The following ZNF385D variants were observed in gnomAD, a reference collection of about 807,000 sequenced individuals.
ZNF385D encodes zinc finger protein 659.
In ZNF385D, 15 loss-of-function variants were observed where a neutral mutation model predicts 35.8. The observed-to-expected ratio is 0.42, with a 90% CI of 0.28 to 0.64. The LOEUF is 0.64. Among genes scored for constraint, ZNF385D ranks in the 30% least tolerant of loss-of-function variants. The pLI is 0.23. For synonymous variants in ZNF385D, 212 were observed against 186.8 expected, an observed-to-expected ratio of 1.13 and a Z score of -1.10; for missense variants, 474 against 494.6, an observed-to-expected ratio of 0.96 and a Z score of 0.39.
intron 3 of ZNF385D, among the ~76,000 whole-genome samples, chr3:21,552,107 T>G (rs528393705): frequency 1.7e-4 from 26 of 152,316 alleles, no homozygotes; most frequent in Non-Finnish European, 2.9e-4. Flanking sequence ...GTTATTTTTC[T>G]AGAAAGATTC....
intron 3 of ZNF385D, among the ~76,000 whole-genome samples, chr3:21,534,855 G>T (rs1238050943): frequency 6.6e-6 from 1 of 152,072 alleles, no homozygotes; most frequent in Non-Finnish European, 1.5e-5. Flanking sequence ...TTTCTTTTGA[G>T]CAATTGTCCT....
intron 2 of ZNF385D, among the ~76,000 whole-genome samples, chr3:21,566,522 C>A (rs369036652): frequency 6.6e-6 from 1 of 151,920 alleles, no homozygotes; most frequent in Non-Finnish European, 1.5e-5. Context: ...CCCAGGTATT[C>A]GGGAGGCTGA....
intron 3 of ZNF385D, among the ~76,000 whole-genome samples, chr3:21,922,478 A>G (rs543783936): frequency 6.6e-6 from 1 of 152,346 alleles, no homozygotes; most frequent in African/African-American, 2.4e-5. Context: ...ACCCAGAAAT[A>G]GAGTCACACA....
chr3:21,761,565 A>G (rs537613213), intron 3 of ZNF385D, among the ~76,000 whole-genome samples: 2 of 152,292 alleles, frequency 1.3e-5, no homozygotes. Flanking sequence ...TCATCAATCA[A>G]TGCAAGAACC....
In ZNF385D at chr3:21,872,569, G is replaced by C. The variant is rs189966966; in HGVS notation, c.326-207541C>G. Among the ~76,000 whole-genome samples, 5 of 152,206 alleles carry C rather than the reference G, an allele frequency of 3.3e-5. No homozygotes were observed. In the East Asian group the frequency reaches 9.7e-4, roughly 29 times the overall value. On this transcript the variant is annotated intron_variant, in intron 3 of 5. Transcript: ENST00000494108. Reference sequence around the variant, plus strand: ...ATCTAGAAGTCTTTGAATTAGATAAGTTTTATATCACTCTTGTACACTTCA... The same window carrying C: ...ATCTAGAAGTCTTTGAATTAGATAACTTTTATATCACTCTTGTACACTTCA...
At chr3:21,823,436 A>AAC (rs34652539) in intron 3 of ZNF385D, among the ~76,000 whole-genome samples, 50,431 of 151,132 alleles carry the variant, frequency 0.33, 8,529 homozygotes, top group Middle Eastern at 0.4. Context: ...AAGCCCCCCA[A>AAC]ACACACACAC....
At chr3:22,078,134 T>C (rs907923232) in intron 3 of ZNF385D, among the ~76,000 whole-genome samples, 8 of 152,194 alleles carry the variant, frequency 5.3e-5, no homozygotes, top group Admixed American at 2.0e-4. Context: ...GAGAATTTCC[T>C]AGGCTCATTA....
chr3:22,344,547 G>A (rs1347281775), intron 2 of ZNF385D, among the ~76,000 whole-genome samples: 5 of 151,642 alleles, frequency 3.3e-5, no homozygotes, highest in African/African-American at 1.2e-4. Context: ...ATACCACCAT[G>A]CCTGCCTCAT....
At chr3:22,250,986 C>T (rs1317035950) in intron 2 of ZNF385D, among the ~76,000 whole-genome samples, 1 of 152,012 alleles carries the variant, frequency 6.6e-6, no homozygotes, top group African/African-American at 2.4e-5. Flanking sequence ...AGCTTCCAGG[C>T]ATGAAGCTTG....
chr3:21,999,102 A>G (rs1695673787), intron 3 of ZNF385D, among the ~76,000 whole-genome samples: 1 of 152,196 alleles, frequency 6.6e-6, no homozygotes, highest in Non-Finnish European at 1.5e-5. Flanking sequence ...GATTTTAGCC[A>G]TGTAGACATA....
chr3:22,296,801 G>T (rs9871951), intron 2 of ZNF385D, among the ~76,000 whole-genome samples: 11,725 of 152,170 alleles, frequency 0.077, 1,185 homozygotes, highest in African/African-American at 0.24. Flanking sequence ...GAGCATGGTG[G>T]TTGGCTTCTC....
At chr3:22,009,482 G>C (rs1425393013) in intron 3 of ZNF385D, among the ~76,000 whole-genome samples, 1 of 151,880 alleles carries the variant, frequency 6.6e-6, no homozygotes, top group Non-Finnish European at 1.5e-5. Flanking sequence ...AATTAGCCGG[G>C]CGTGGTGTCG....
intron 3 of ZNF385D, among the ~76,000 whole-genome samples, chr3:22,017,957 T>G (rs1319770151): frequency 6.6e-6 from 1 of 151,972 alleles, no homozygotes. Context: ...TGAAGTTCTA[T>G]GTATAGAAAA....
chr3:22,308,457 G>C (rs1281411499), intron 2 of ZNF385D, among the ~76,000 whole-genome samples: 1 of 151,732 alleles, frequency 6.6e-6, no homozygotes, highest in South Asian at 2.1e-4. Context: ...TTGAGAAAGT[G>C]AAAGAGAGAA....
At chr3:21,783,244 C>T (rs1290955086) in intron 3 of ZNF385D, among the ~76,000 whole-genome samples, 1 of 152,020 alleles carries the variant, frequency 6.6e-6, no homozygotes, top group Non-Finnish European at 1.5e-5. Context: ...ATGAATAAGC[C>T]ATTAATAAAT....
chr3:21,457,349 T>C (rs1052295403), intron 4 of ZNF385D, among the ~76,000 whole-genome samples: 6 of 28,338 alleles, frequency 2.1e-4, no homozygotes, highest in African/African-American at 2.3e-4. Context: ...TTGTTGTCGT[T>C]GTTGTTGTTG....
intron 2 of ZNF385D, among the ~76,000 whole-genome samples, chr3:21,616,604 A>G (rs1325570839): frequency 6.6e-6 from 1 of 152,166 alleles, no homozygotes; most frequent in East Asian, 1.9e-4. Context: ...TAGCCTTTAC[A>G]TTTAACTAGT....
rs185127295 is a variant in ZNF385D at position 21,874,329 on chromosome 3, C to A, written c.326-209301G>T. ...AAAAATGTTTAATCAAATCCTTTGC[C>A]CATTTCTTAACCAGGTTATTTGTTT... On this transcript the variant is annotated intron_variant, in intron 3 of 5. Coordinates refer to the ZNF385D transcript ENST00000494108. Among the ~76,000 whole-genome samples the A allele has an allele frequency of 2.6e-5, 4 of 152,026 alleles. No individual in the cohort carries two copies. In the East Asian group the frequency reaches 7.8e-4, roughly 29 times the overall value.
intron 1 of ZNF385D, among the ~76,000 whole-genome samples, chr3:21,692,132 A>T (rs2067305594): frequency 6.6e-6 from 1 of 152,136 alleles, no homozygotes; most frequent in African/African-American, 2.4e-5. Flanking sequence ...TTCATCTGTC[A>T]ATGAAGATTT....
Sources: allele counts gnomAD v4.1 joint callset (sites outside exome capture counted in the v4.1 genomes callset), GRCh38; gene constraint gnomAD v4.1.1; transcripts MANE v1.5; gene names NCBI Gene and HGNC (gene_info 2026-07-23, HGNC 2026-07-21).